Variants in SOX5 observed in about 807,000 individuals in gnomAD.
SOX5 encodes the protein SRY-box transcription factor 5.
SOX5 carries 9 observed loss-of-function variants against 92.0 expected under a neutral mutation model. The observed-to-expected ratio is 0.10, with a 90% CI of 0.06 to 0.17. The LOEUF is 0.17. SOX5 is among the 10% of genes least tolerant of loss of function. SOX5 has a pLI of 1.00. For missense variants in SOX5, 642 were observed against 944.5 expected, an observed-to-expected ratio of 0.68 and a Z score of 4.20; for synonymous variants, 344 against 336.3, an observed-to-expected ratio of 1.02 and a Z score of -0.25.
At chr12:23,808,220 A>G (rs1441393431) in intron 3 of SOX5, among the ~76,000 whole-genome samples, 1 of 152,066 alleles carries the variant, frequency 6.6e-6, no homozygotes, top group Non-Finnish European at 1.5e-5. Context: ...TGTGGAAATG[A>G]ATCAAAGTTA....
Position 24,146,596 on chromosome 12 carries a change from A to G in SOX5, c.-2+66747T>C, listed in dbSNP as rs572783134. Among the ~76,000 whole-genome samples, 30 of 152,238 alleles carry G rather than the reference A, an allele frequency of 2.0e-4. 1 individual carries two copies. The highest frequency in any genetic ancestry group is 1.9e-3 in the Admixed American group (29 of 15,292). ...AATTAAAGAGAGCAAACAAAAGACA[A>G]TGTTAGCAGAAGAAACAAAGAAAAG... On this transcript the variant is annotated intron_variant, in intron 4 of 4. Coordinates refer to the SOX5 transcript ENST00000446891.
intron 4 of SOX5, among the ~76,000 whole-genome samples, chr12:24,070,495 A>G (rs553425269): frequency 6.6e-6 from 1 of 152,252 alleles, no homozygotes; most frequent in East Asian, 1.9e-4. Context: ...GGTGAAATAC[A>G]TATAACCACT....
chr12:24,240,060 A>G (rs1033446635), intron 3 of SOX5, among the ~76,000 whole-genome samples: 5 of 152,336 alleles, frequency 3.3e-5, no homozygotes, highest in African/African-American at 1.2e-4. Flanking sequence ...TAAATGTGAC[A>G]TACACTGAAG....
chr12:24,153,251 T>C (rs935303443), intron 4 of SOX5, among the ~76,000 whole-genome samples: 2 of 152,096 alleles, frequency 1.3e-5, no homozygotes, highest in Middle Eastern at 3.2e-3. Context: ...TCATAACATA[T>C]TAGTTATTGT....
chr12:24,052,922 C>T (rs1431394764), intron 4 of SOX5, among the ~76,000 whole-genome samples: 12 of 152,142 alleles, frequency 7.9e-5, no homozygotes, highest in Non-Finnish European at 1.3e-4. Context: ...CAAGTTCAGC[C>T]ATCAATCTCC....
chr12:24,353,003 G>C (rs1352146336), intron 2 of SOX5, among the ~76,000 whole-genome samples: 1 of 152,190 alleles, frequency 6.6e-6, no homozygotes. Flanking sequence ...ATGCCCAGGG[G>C]ATGGGGGTGC....
chr12:24,532,480 C>T (rs747881846), intron 1 of SOX5, among the ~76,000 whole-genome samples: 4 of 152,170 alleles, frequency 2.6e-5, no homozygotes, highest in Non-Finnish European at 4.4e-5. Context: ...TCCTGAAGAA[C>T]GTGGACACAG....
intron 1 of SOX5, among the ~76,000 whole-genome samples, chr12:24,497,307 A>G (rs536489481): frequency 6.6e-6 from 1 of 152,218 alleles, no homozygotes; most frequent in Admixed American, 6.5e-5. Flanking sequence ...GTTTATTTTT[A>G]AAAAAGTATG....
intron 1 of SOX5, among the ~76,000 whole-genome samples, chr12:24,474,372 G>A (rs1469220765): frequency 6.6e-6 from 1 of 152,146 alleles, no homozygotes; most frequent in Non-Finnish European, 1.5e-5. Flanking sequence ...TGTATTTGGT[G>A]CCTTCAAATT....
intron 1 of SOX5, among the ~76,000 whole-genome samples, chr12:23,917,700 G>A (rs1244473366): frequency 6.6e-6 from 1 of 152,124 alleles, no homozygotes; most frequent in Non-Finnish European, 1.5e-5. Context: ...GCTAGATAGA[G>A]GATTCATGGA....
intron 1 of SOX5, among the ~76,000 whole-genome samples, chr12:24,420,241 T>G (rs547476380): frequency 3.9e-5 from 6 of 152,306 alleles, no homozygotes; most frequent in South Asian, 2.1e-4. Context: ...ACAAAACCAC[T>G]GACAATGAAC....
intron 4 of SOX5, among the ~76,000 whole-genome samples, chr12:24,192,289 C>A (rs1188411182): frequency 6.6e-6 from 1 of 152,130 alleles, no homozygotes; most frequent in African/African-American, 2.4e-5. Flanking sequence ...AAAATTTATG[C>A]TTAGAACTAA....
intron 6 of SOX5, among the ~76,000 whole-genome samples, chr12:23,686,989 C>T (rs753058414): frequency 1.3e-5 from 2 of 151,984 alleles, no homozygotes; most frequent in Non-Finnish European, 2.9e-5. Flanking sequence ...TCAAGTTATA[C>T]ATGGATTATT....
intron 2 of SOX5, among the ~76,000 whole-genome samples, chr12:24,342,056 GC>G (rs1349333904): frequency 5.3e-5 from 8 of 152,140 alleles, no homozygotes; most frequent in African/African-American, 9.7e-5. Flanking sequence ...TCTACAATTA[GC>G]TTAAAATCAG....
intron 1 of SOX5, among the ~76,000 whole-genome samples, chr12:24,458,542 G>T (rs942163276): frequency 6.6e-6 from 1 of 151,968 alleles, no homozygotes; most frequent in Non-Finnish European, 1.5e-5. Flanking sequence ...ACAAATCTCT[G>T]GGGGGTAGGA....
At chr12:23,603,560 A>G (rs1321599215) in intron 9 of SOX5, among the ~76,000 whole-genome samples, 2 of 150,814 alleles carry the variant, frequency 1.3e-5, no homozygotes, top group Non-Finnish European at 3.0e-5. Flanking sequence ...ATCTCAAGGA[A>G]TACTGCTTTA....
In SOX5 at chr12:23,543,365, C is replaced by T. The variant is rs749890968; in HGVS notation, c.1617G>A (p.Glu539=). The stretch of plus-strand genomic sequence containing the variant: ...CTCGGGATTCCCTATAAATTCTTGA[C>T]TCTGAGACTCCAGCACTTCCTGAAA... ...GDSDGSAGVS[E]SRIYRESRGR... The change falls in exon 13 of 15, where the codon GAG becomes GAA. Residue 539 remains glutamate, a synonymous_variant. Transcript: ENST00000451604. 4 of 1,613,738 alleles carry T rather than the reference C, an allele frequency of 2.5e-6. No homozygotes were observed. In the Admixed American group the frequency reaches 6.7e-5, roughly 27 times the overall value.
At chr12:24,443,245 G>A (rs1808029) in intron 1 of SOX5, among the ~76,000 whole-genome samples, 1,554 of 152,232 alleles carry the variant, frequency 0.01, 79 homozygotes, top group Admixed American at 0.074. Context: ...GAGCCACCAC[G>A]CCCGGCCAGT....
At chr12:23,928,611 G>T (rs1940631522) in intron 1 of SOX5, among the ~76,000 whole-genome samples, 2 of 151,514 alleles carry the variant, frequency 1.3e-5, no homozygotes, top group Non-Finnish European at 2.9e-5. Flanking sequence ...AACAATAAAA[G>T]CACTTTTCCT....
Sources: gnomAD v4.1 joint callset for allele counts (sites outside exome capture counted in the v4.1 genomes callset) on GRCh38, gnomAD v4.1.1 for gene constraint, MANE v1.5 for transcripts, NCBI Gene and HGNC (gene_info 2026-07-23, HGNC 2026-07-21) for gene names.